Variants in GOLGA4 observed in about 807,000 individuals in gnomAD.
GOLGA4 encodes the protein golgin subfamily A member 4.
Under a neutral mutation model 265.9 loss-of-function variants are expected in GOLGA4, and 169 were observed. The observed-to-expected ratio is 0.64, with a 90% CI of 0.56 to 0.72. The LOEUF is 0.72. Ranked by LOEUF, GOLGA4 falls within the 30% of genes least tolerant of loss-of-function variation. The probability of loss-of-function intolerance (pLI) is 0.00; values close to 1 mark genes in which losing one functional copy is unlikely to be tolerated. For missense variants in GOLGA4, 2,482 were observed against 2,483.4 expected (o/e 1.00, Z 0.01); for synonymous variants, 923 against 855.8 (o/e 1.08, Z -1.37).
At position 37,325,331 on chromosome 3, in the gene GOLGA4, G is replaced by T. The variant is rs1187765609; in HGVS notation, c.3445G>T (p.Glu1149Ter). The stretch of plus-strand genomic sequence containing the variant: ...GGTTGACTTGAATAAGTCTCTGAAG[G>T]AAAATACTTTTCTTCAAGAGCAGCT... ...LEVDLNKSLKENTFLQEQLVE... is the reference protein window; with the variant it reads ...LEVDLNKSLK Residue 1149 changes from glutamate to a stop codon, truncating the protein, a stop_gained, in exon 14 of 24, where the codon GAA becomes TAA. Coordinates refer to ENST00000361924, the MANE Select transcript of GOLGA4 (RefSeq NM_002078.5). LOFTEE classifies it high-confidence loss of function. 1 of 1,612,574 alleles carries T rather than the reference G, an allele frequency of 6.2e-7. No individual in the cohort carries two copies. The highest frequency in any genetic ancestry group is 8.5e-7 in the Non-Finnish European group (1 of 1,178,790).
chr3:37,283,965 A>C (rs1420142216), intron 3 of GOLGA4, among the ~76,000 whole-genome samples: 1 of 152,184 alleles, frequency 6.6e-6, no homozygotes, highest in African/African-American at 2.4e-5. Context: ...TTATGGTTGG[A>C]CAGGTTGTAG....
intron 2 of GOLGA4, among the ~76,000 whole-genome samples, chr3:37,277,478 C>G (rs1025935485): frequency 6.6e-6 from 1 of 152,174 alleles, no homozygotes; most frequent in Admixed American, 6.5e-5. Flanking sequence ...GTAAACAGTT[C>G]ATGACTAGAT....
intron 11 of GOLGA4, 54 bp downstream of exon 11, chr3:37,315,652 A>G: frequency 7.2e-7 from 1 of 1,394,272 alleles, no homozygotes; most frequent in Non-Finnish European, 1.0e-6. Context: ...ATTTAAGTGT[A>G]TTTTTCCTTA....
chr3:37,245,646 T>C (rs2096717259), intron 1 of GOLGA4, among the ~76,000 whole-genome samples: 1 of 152,196 alleles, frequency 6.6e-6, no homozygotes, highest in Non-Finnish European at 1.5e-5. Context: ...AACTAAGATA[T>C]AAGAGCTCTG....
intron 5 of GOLGA4, among the ~76,000 whole-genome samples, chr3:37,293,709 GA>G (rs1207354377): frequency 6.6e-6 from 1 of 152,168 alleles, no homozygotes; most frequent in Non-Finnish European, 1.5e-5. Flanking sequence ...GGACAAAGAG[GA>G]AACTGTAATT....
At chr3:37,278,796 T>G (rs1358372644) in intron 2 of GOLGA4, among the ~76,000 whole-genome samples, 2 of 151,832 alleles carry the variant, frequency 1.3e-5, no homozygotes, top group Non-Finnish European at 2.9e-5. Context: ...AAAAGATGCC[T>G]TCACTCAGTT....
At chr3:37,248,649 A>G (rs1373952495) in intron 1 of GOLGA4, among the ~76,000 whole-genome samples, 3 of 152,218 alleles carry the variant, frequency 2.0e-5, no homozygotes, top group African/African-American at 4.8e-5. Context: ...TCATCAGGCC[A>G]CGTTTTGCCA....
At chr3:37,263,061 A>C (rs2096774232) in intron 2 of GOLGA4, among the ~76,000 whole-genome samples, 2 of 152,230 alleles carry the variant, frequency 1.3e-5, no homozygotes, top group African/African-American at 4.8e-5. Context: ...ATCTTCATTC[A>C]TGATAAATGA....
rs540647978 is a variant in GOLGA4, at chr3:37,243,583, G to A, written c.33G>A (p.Glu11=). MFKKLKQKIS[E]EQQQLQQALA... is the part of the protein sequence containing the mutation. ...AGAAACTGAAGCAAAAGATCAGCGA[G>A]GAGCAGCAGCAGCTCCAGCAGGCGC... The change falls in exon 1 of 24, where the codon GAG becomes GAA. Residue 11 remains glutamate (E), a synonymous_variant. Transcript: ENST00000361924. 6.2e-7 allele frequency: 1 copy of A among 1,614,024 alleles called. No homozygotes were observed. The highest frequency in any genetic ancestry group is 1.3e-5 in the African/African-American group (1 of 75,066).
chr3:37,352,151 C>T (rs1173582019), intron 21 of GOLGA4, among the ~76,000 whole-genome samples: 1 of 151,918 alleles, frequency 6.6e-6, no homozygotes, highest in East Asian at 1.9e-4. Flanking sequence ...TTGTATTAGT[C>T]CCTTCTCACG....
At chr3:37,268,380 G>A (rs536128539) in intron 2 of GOLGA4, among the ~76,000 whole-genome samples, 7 of 151,804 alleles carry the variant, frequency 4.6e-5, no homozygotes, top group African/African-American at 1.7e-4. Context: ...CACTATGTCT[G>A]GCCCAATTTA....
At position 37,326,277 on chromosome 3, in the gene GOLGA4, A is replaced by G. The variant is rs1429285345; in HGVS notation, c.4391A>G (p.Gln1464Arg). Residue 1464 changes from glutamine (Q) to arginine (R), a missense_variant, in exon 14 of 24, where the codon CAG (glutamine) becomes CGG (arginine). Gln to Arg is a conservative substitution (Grantham distance 43). This residue lies in a region of GOLGA4 where 942 missense variants were observed against 983.1 expected (regional missense o/e 0.96). Transcript: ENST00000361924. Reference sequence around the variant, plus strand: ...CATCAAAACACTGTTAAAGAATTGCAGATCCAGCTTGAGTTAAAATCAAAG... The same window carrying G: ...CATCAAAACACTGTTAAAGAATTGCGGATCCAGCTTGAGTTAAAATCAAAG... ...TQHQNTVKELQIQLELKSKEA... is the reference protein window; with the variant it reads ...TQHQNTVKELRIQLELKSKEA... The G allele has an allele frequency of 2.5e-6, 4 of 1,612,876 alleles. No individual in the cohort carries two copies. The highest frequency in any genetic ancestry group is 3.4e-6 in the Non-Finnish European group (4 of 1,179,388).
At chr3:37,287,615 A>G (rs1217846038) in intron 4 of GOLGA4, 5 of 152,252 alleles carry the variant, frequency 3.3e-5, no homozygotes, top group Admixed American at 3.3e-4. Context: ...TGTAAGAGGT[A>G]AGGAGGAGAG....
intron 21 of GOLGA4, among the ~76,000 whole-genome samples, chr3:37,351,195 G>A (rs1435960474): frequency 3.9e-5 from 6 of 152,076 alleles, no homozygotes; most frequent in Non-Finnish European, 7.4e-5. Context: ...ATCTTCACCA[G>A]GAGTAGATTC....
intron 13 of GOLGA4, among the ~76,000 whole-genome samples, chr3:37,323,215 C>T (rs1171350155): frequency 1.3e-5 from 2 of 148,902 alleles, no homozygotes; most frequent in African/African-American, 5.0e-5. Context: ...CAGCCTCTGC[C>T]TCCTGGGTTC....
At chr3:37,292,561 C>T (rs2096867666) in intron 5 of GOLGA4, among the ~76,000 whole-genome samples, 1 of 152,124 alleles carries the variant, frequency 6.6e-6, no homozygotes, top group South Asian at 2.1e-4. Context: ...TGGCACGCAC[C>T]TGTAGTCCCA....
At chr3:37,358,800 C>G (rs996318888) in intron 22 of GOLGA4, among the ~76,000 whole-genome samples, 8 of 152,156 alleles carry the variant, frequency 5.3e-5, no homozygotes, top group African/African-American at 1.9e-4. Flanking sequence ...TACCAGCCCA[C>G]AAAATGCCCC....
At chr3:37,294,384 T>A (rs1403370772) in intron 5 of GOLGA4, among the ~76,000 whole-genome samples, 1 of 50,500 alleles carries the variant, frequency 2.0e-5, no homozygotes, top group African/African-American at 1.3e-4. Context: ...CTTAAGTAAT[T>A]TTTTTTTTTT....
rs751168191 is a variant in GOLGA4, at chr3:37,325,124, A to T, written c.3238A>T (p.Ile1080Phe). ...AGAGGTAGCAGAACTGAAACAAAAG[A>T]TCCTCCTATTTGGGTGTGAAAAAGA... The part of the protein sequence containing the change: ...EQEVAELKQK[I>F]LLFGCEKEEM... The change falls in exon 14 of 24, where the codon ATC becomes TTC. Residue 1080 changes from isoleucine (I) to phenylalanine (F), a missense_variant. Ile to Phe is a conservative substitution (Grantham distance 21). Transcript: ENST00000361924. The T allele has an allele frequency of 4.3e-6, 7 of 1,613,258 alleles. No individual in the cohort carries two copies. In the African/African-American group the frequency reaches 5.3e-5, roughly 12 times the overall value.
Sources: gnomAD v4.1 joint callset for allele counts (sites outside exome capture counted in the v4.1 genomes callset) on GRCh38, gnomAD v4.1.1 for gene constraint, gnomAD v4.1.1 regional missense constraint, MANE v1.5 for transcripts, NCBI Gene and HGNC (gene_info 2026-07-23, HGNC 2026-07-21) for gene names.